FGD4: variants seen among roughly 807,000 people sequenced by gnomAD.
FGD4 encodes the protein FYVE, RhoGEF and PH domain-containing protein 4.
FGD4 carries 42 observed loss-of-function variants against 102.0 expected under a neutral mutation model. The observed-to-expected ratio is 0.41, with a 90% CI of 0.32 to 0.53. The LOEUF is 0.53. Ranked by LOEUF, FGD4 falls within the 20% of genes least tolerant of loss-of-function variation. FGD4 has a pLI of 0.21. For missense variants in FGD4, 902 were observed against 1,078.2 expected (o/e 0.84, Z 2.29); for synonymous variants, 380 against 375.7 (o/e 1.01, Z -0.13).
rs1264738539 is a variant in FGD4, at chr12:32,582,307, G to A, written c.851G>A (p.Cys284Tyr). The A allele has an allele frequency of 6.2e-7, 1 of 1,614,226 alleles. No individual in the cohort carries two copies. The highest frequency in any genetic ancestry group is 1.1e-5 in the South Asian group (1 of 91,090). Residue 284 changes from cysteine (C) to tyrosine (Y), a missense_variant, in exon 4 of 17, where the codon TGT (cysteine) becomes TAT (tyrosine). By Grantham distance (194) the Cys-to-Tyr change is radical. Around this residue, in one of 2 missense-constraint regions of FGD4, gnomAD observed 443 missense variants for 459.2 expected, o/e 0.96. Coordinates refer to ENST00000534526, the MANE Select transcript of FGD4 (RefSeq NM_001370298.3). ...CCTGCATCACCCACAACAGACAGCT[G>A]TGATGGAAATGCTTCTGACAGTAGC... ...TAPASPTTDS[C>Y]DGNASDSSYR...
At chr12:32,601,715 T>G (rs1396472547) in intron 6 of FGD4, among the ~76,000 whole-genome samples, 1 of 152,238 alleles carries the variant, frequency 6.6e-6, no homozygotes, top group East Asian at 1.9e-4. Flanking sequence ...TGCATTGTTT[T>G]CTATCAGCCT....
rs1333740346 is a variant in FGD4, at chr12:32,440,449, C to T, written c.166+40490C>T. Among the ~76,000 whole-genome samples the T allele has an allele frequency of 2.0e-5, 3 of 152,318 alleles. No homozygotes were observed. The East Asian group carries it at 5.8e-4, about 29-fold the overall frequency. Reference sequence around the variant, plus strand: ...CTTGGACAAGATTCGGCAAAATTATCTGGATCACCGGGCAGAGACTCCTGT... The same window carrying T: ...CTTGGACAAGATTCGGCAAAATTATTTGGATCACCGGGCAGAGACTCCTGT... On this transcript the variant is annotated intron_variant, in intron 1 of 16. Transcript: ENST00000534526.
Position 32,487,411 on chromosome 12 carries a change from ATT to A in FGD4, c.167-76725_167-76724del, listed in dbSNP as rs1465431102. Among the ~76,000 whole-genome samples the A allele has an allele frequency of 4.2e-5, 6 of 143,414 alleles. No individual in the cohort carries two copies. In the South Asian group the frequency reaches 1.4e-3, roughly 33 times the overall value. 94.1% of individuals were successfully genotyped at this position (143,414 alleles called of 152,430 possible). A position where few individuals can be genotyped will look rare whatever the true frequency, so the allele number is the denominator to read the frequency against. ...ATGTGCTTGCAATTTTAAAATTTAT[ATT>A]GTTATTATTTGTTATTATTATTATC... On this transcript the variant is annotated intron_variant, in intron 1 of 16. Transcript: ENST00000534526.
At chr12:32,418,965 G>A (rs1004063763) in intron 1 of FGD4, among the ~76,000 whole-genome samples, 4 of 152,140 alleles carry the variant, frequency 2.6e-5, no homozygotes, top group African/African-American at 7.2e-5. Context: ...CCCTTTCCAC[G>A]GGCAGAAGAT....
chr12:32,585,222 T>TTATATATATATATATATATATATATATA (rs140227421), intron 4 of FGD4, among the ~76,000 whole-genome samples: 8 of 116,138 alleles, frequency 6.9e-5, no homozygotes, highest in Non-Finnish European at 1.1e-4. Flanking sequence ...CTCAAAAATT[T>TTATATATATATATATATATATATATATA]TATATATATA....
chr12:32,495,344 T>G lies in FGD4; in HGVS notation c.167-68793T>G, dbSNP rs1937730605. On this transcript the variant is annotated intron_variant, in intron 1 of 16. Transcript: ENST00000534526. The stretch of plus-strand genomic sequence containing the variant: ...GATTCGCCCCATATTTCACTGGTTA[T>G]GCTTTGGTTATCTTAGAAAAGAACC... Among the ~76,000 whole-genome samples the G allele has an allele frequency of 3.3e-5, 5 of 152,202 alleles. No individual in the cohort carries two copies. The South Asian group carries it at 1.0e-3, about 31-fold the overall frequency.
chr12:32,551,603 A>ACT (rs1295599936), intron 1 of FGD4, among the ~76,000 whole-genome samples: 3 of 152,176 alleles, frequency 2.0e-5, no homozygotes, highest in Non-Finnish European at 2.9e-5. Context: ...TTGCTGTAGA[A>ACT]CTGTATTTAG....
chr12:32,442,561 C>CTTTTT (rs35994170), intron 1 of FGD4, among the ~76,000 whole-genome samples: 2 of 107,104 alleles, frequency 1.9e-5, no homozygotes, highest in Non-Finnish European at 3.6e-5. Flanking sequence ...ATCTTTCATC[C>CTTTTT]TTTTTTTTTT....
chr12:32,607,485 T>A (rs886518679), intron 7 of FGD4, among the ~76,000 whole-genome samples: 1 of 151,986 alleles, frequency 6.6e-6, no homozygotes, highest in African/African-American at 2.4e-5. Flanking sequence ...TGTTACAGAT[T>A]GAGGTGGGGT....
intron 1 of FGD4, among the ~76,000 whole-genome samples, chr12:32,561,435 A>G (rs11052072): frequency 0.12 from 18,189 of 152,114 alleles, 1,199 homozygotes; most frequent in Middle Eastern, 0.19. Context: ...TGGATTAAGA[A>G]TTTTTTGGGT....
intron 7 of FGD4, among the ~76,000 whole-genome samples, chr12:32,604,793 C>G (rs1669038028): frequency 6.6e-6 from 1 of 152,202 alleles, no homozygotes; most frequent in South Asian, 2.1e-4. Flanking sequence ...CAGCCACAGG[C>G]TAGAATGCCA....
intron 1 of FGD4, among the ~76,000 whole-genome samples, chr12:32,418,859 T>G (rs978206006): frequency 3.3e-5 from 5 of 152,184 alleles, no homozygotes; most frequent in Non-Finnish European, 2.9e-5. Flanking sequence ...CACCAGGGAT[T>G]GAAGTCAAAA....
chr12:32,470,389 G>A (rs916552752), intron 1 of FGD4, among the ~76,000 whole-genome samples: 3 of 151,716 alleles, frequency 2.0e-5, no homozygotes, highest in Non-Finnish European at 2.9e-5. Flanking sequence ...GTATTCTCTC[G>A]TTGCCATGAC....
intron 1 of FGD4, among the ~76,000 whole-genome samples, chr12:32,443,279 A>G (rs988465033): frequency 2.0e-5 from 3 of 152,210 alleles, no homozygotes; most frequent in African/African-American, 7.2e-5. Flanking sequence ...AGTTCCAGCT[A>G]CTTGAGAAGA....
intron 1 of FGD4, among the ~76,000 whole-genome samples, chr12:32,448,149 T>G (rs796494805): frequency 1.5e-4 from 23 of 152,332 alleles, no homozygotes; most frequent in African/African-American, 5.1e-4. Flanking sequence ...GCTCATTCAT[T>G]CACTTTGATT....
At chr12:32,418,661 C>T (rs325421) in intron 1 of FGD4, among the ~76,000 whole-genome samples, 83,405 of 151,902 alleles carry the variant, frequency 0.55, 24,077 homozygotes, top group African/African-American at 0.74. Flanking sequence ...GGTTCAGACC[C>T]GAAGCCAGGA....
intron 11 of FGD4, among the ~76,000 whole-genome samples, chr12:32,621,496 G>A (rs1949842938): frequency 6.6e-6 from 1 of 152,046 alleles, no homozygotes; most frequent in South Asian, 2.1e-4. Context: ...CTGCTCAGGT[G>A]AATTTACCCT....
intron 12 of FGD4, 41 bp from the exon 13 acceptor site, chr12:32,624,935 A>T: frequency 1.3e-6 from 2 of 1,525,682 alleles, no homozygotes; most frequent in Non-Finnish European, 1.8e-6. Flanking sequence ...GGTTTATATG[A>T]GAAACTTTAA....
chr12:32,582,404 A>G lies in FGD4; in HGVS notation c.948A>G (p.Gln316=). Residue 316 remains glutamine, a synonymous_variant, in exon 4 of 17, where the codon CAA becomes CAG. Coordinates refer to ENST00000534526, the MANE Select transcript of FGD4 (RefSeq NM_001370298.3). ...GGGCAGAAACAGAAACCAAGGTACAAGAGAGGGAAAATGGGGAAAGCCCTC... is the reference window on the plus strand; with the variant it reads ...GGGCAGAAACAGAAACCAAGGTACAGGAGAGGGAAAATGGGGAAAGCCCTC... ...ERGAETETKV[Q]ERENGESPLE... is the part of the protein sequence containing the mutation. The G allele has an allele frequency of 6.2e-7, 1 of 1,614,034 alleles. No homozygotes were observed. Among genetic ancestry groups the G allele is most frequent in the East Asian group, 2.2e-5 (1 of 44,880 alleles).
Sources: allele counts gnomAD v4.1 joint callset (sites outside exome capture counted in the v4.1 genomes callset), GRCh38; gene constraint gnomAD v4.1.1; regional missense constraint gnomAD v4.1.1; transcripts MANE v1.5; gene names NCBI Gene and HGNC (gene_info 2026-07-23, HGNC 2026-07-21).